Variants in CCDC57 observed in about 807,000 individuals in gnomAD.
CCDC57 encodes coiled-coil domain-containing protein 57.
CCDC57 carries 118 observed loss-of-function variants against 118.9 expected under a neutral mutation model. The ratio of observed to expected loss-of-function variants is 0.99; its 90% CI spans 0.86 to 1.16. The LOEUF (loss-of-function observed/expected upper bound fraction) is 1.16, where lower values mean the gene tolerates loss of function less well. Among genes scored for constraint, CCDC57 ranks in the 50% most tolerant of loss-of-function variants. The pLI is 0.00. For synonymous variants in CCDC57, 527 were observed against 532.9 expected, an observed-to-expected ratio of 0.99 and a Z score of 0.15; for missense variants, 1,300 against 1,320.7, an observed-to-expected ratio of 0.98 and a Z score of 0.24.
intron 19 of CCDC57, among the ~76,000 whole-genome samples, chr17:82,119,522 GT>G (rs2036382971): frequency 6.6e-6 from 1 of 152,096 alleles, no homozygotes; most frequent in African/African-American, 2.4e-5. Flanking sequence ...ATAGAATCAA[GT>G]TTAGGAAGAA....
rs544756947 is a variant in CCDC57, at chr17:82,201,951, C to T, written c.-7G>A. The T allele has an allele frequency of 4.8e-5, 76 of 1,584,350 alleles. No homozygotes were observed. In the Admixed American group the frequency reaches 5.7e-4, roughly 12 times the overall value. On this transcript the variant is annotated splice_region_variant and 5_prime_UTR_variant, in exon 3 of 20. Coordinates refer to ENST00000665763, the Ensembl canonical transcript of CCDC57. ...CTGAGCCCAGTGGCAGCATGGTGGC[C>T]GCTGCAGTAAAGAGAAATCAGGTTC...
chr17:82,107,368 C>CGGGAGAGGGGAGTG (rs112663677), intron 19 of CCDC57: 2 of 452,152 alleles, frequency 4.4e-6, no homozygotes, highest in African/African-American at 2.0e-5. Context: ...ACAGATGCCG[C>CGGGAGAGGGGAGTG]GGGAGTGGGG....
rs952854148 is a variant in CCDC57, at chr17:82,172,934, G to A, written c.1507-74C>T. ...GCTTGTCCTGACAGGCTGTGCCTCC[G>A]CTCTCCCCGCGCCCCTCTCGGGCCG... On this transcript the variant is annotated intron_variant, in intron 11 of 19. Coordinates refer to ENST00000665763, the Ensembl canonical transcript of CCDC57. This position sits in a 1 kb window ranked among gnomAD's most constrained non-coding sequence, Gnocchi z 5.2. 9 of 1,357,040 alleles carry A rather than the reference G, an allele frequency of 6.6e-6. No homozygotes were observed. In the Admixed American group the frequency reaches 7.8e-5, roughly 12 times the overall value. The allele number at this position is 1,357,040 out of a possible 1,614,324, so 84.1% of individuals were successfully genotyped here.
rs952577016 is a variant in CCDC57 at position 82,138,533 on chromosome 17, G to A, written c.2456-4339C>T. On this transcript the variant is annotated intron_variant, in intron 16 of 19. Transcript: ENST00000665763. ...CTGCCCTCCAGCCTGCATGACAGAG[G>A]TCTCTATCGAAAAAAAAAAGTAAAA... 3.3e-5 allele frequency among the ~76,000 whole-genome samples: 5 copies of A among 151,800 alleles called. No homozygotes were observed. The East Asian group carries it at 5.8e-4, about 18-fold the overall frequency.
intron 2 of CCDC57, among the ~76,000 whole-genome samples, chr17:82,205,791 G>A (rs1012097429): frequency 3.9e-5 from 6 of 152,188 alleles, no homozygotes; most frequent in Non-Finnish European, 5.9e-5. Context: ...AGCACCCGGT[G>A]AGAGCCCAGC....
intron 2 of CCDC57, among the ~76,000 whole-genome samples, chr17:82,206,439 T>A (rs1246521243): frequency 6.6e-6 from 1 of 152,008 alleles, no homozygotes; most frequent in Non-Finnish European, 1.5e-5. Flanking sequence ...TTGTAGGTCA[T>A]AAGATCCTCC....
At chr17:82,193,696 C>G in intron 7 of CCDC57, 60 bp downstream of exon 6, 390 of 1,432,362 alleles carry the variant, frequency 2.7e-4, no homozygotes, top group Middle Eastern at 3.5e-4. Context: ...AATGGTTCCA[C>G]TTCCCTCCTC....
chr17:82,137,570 T>C (rs1226762490), intron 16 of CCDC57, among the ~76,000 whole-genome samples: 3 of 152,172 alleles, frequency 2.0e-5, no homozygotes, highest in Admixed American at 6.6e-5. Flanking sequence ...CTAAATATTA[T>C]TTCTCAGGTA....
At chr17:82,107,853 C>A (rs77270221) in intron 19 of CCDC57, among the ~76,000 whole-genome samples, 3,487 of 152,270 alleles carry the variant, frequency 0.023, 58 homozygotes, top group South Asian at 0.076. Flanking sequence ...CCATCGGGTG[C>A]TCTCAGGACA....
In CCDC57 at chr17:82,207,243, G is replaced by A. The variant is rs189491429; in HGVS notation, c.-9+604C>T. Reference sequence around the variant, plus strand: ...AGCTACCAGGCAGGCTGAGGTGGGAGGATCGCTTGAGCTTACGACGTTGAG... The same window carrying A: ...AGCTACCAGGCAGGCTGAGGTGGGAAGATCGCTTGAGCTTACGACGTTGAG... On this transcript the variant is annotated intron_variant, in intron 2 of 19. Transcript: ENST00000665763. Among the ~76,000 whole-genome samples, 4 of 152,142 alleles carry A rather than the reference G, an allele frequency of 2.6e-5. No homozygotes were observed. In the East Asian group the frequency reaches 7.7e-4, roughly 29 times the overall value.
At position 82,103,747 on chromosome 17, in the gene CCDC57, C is replaced by A. The variant is rs79803624; in HGVS notation, c.2900-1881G>T. On this transcript the variant is annotated intron_variant, in intron 19 of 19. Coordinates refer to ENST00000665763, the Ensembl canonical transcript of CCDC57. ...AGGGCCTGCCCCTTTGCCTGGGAGG[C>A]CTGAGCTGGCCCTGCTGGGAGGACC... Among the ~76,000 whole-genome samples, 1,398 of 152,248 alleles carry A rather than the reference C, an allele frequency of 9.2e-3. 18 individuals carry two copies. The highest frequency in any genetic ancestry group is 0.032 in the African/African-American group (1,343 of 41,554).
chr17:82,134,352 C>T, intron 16 of CCDC57, 158 bp from the exon 16 acceptor site: 1 of 569,606 alleles, frequency 1.8e-6, no homozygotes, highest in Non-Finnish European at 2.6e-6. Flanking sequence ...CAACAGTGAA[C>T]TGTGACACAC....
rs1185695793 is a variant in CCDC57, at chr17:82,157,867, C to A, written c.2122G>T (p.Glu708Ter). The change falls in exon 15 of 20, where the codon GAG becomes TAG. Residue 708 changes from glutamate to a stop codon, truncating the protein, a stop_gained. Coordinates refer to ENST00000665763, the Ensembl canonical transcript of CCDC57. LOFTEE classifies it high-confidence loss of function. ...AGCTCAGCCACCTGCTTCCGCAGCTCCAAAACCTCCAGGTGTACCTGGTCC... is the reference window on the plus strand; with the variant it reads ...AGCTCAGCCACCTGCTTCCGCAGCTACAAAACCTCCAGGTGTACCTGGTCC... The A allele has an allele frequency of 6.3e-7, 1 of 1,584,896 alleles. No individual in the cohort carries two copies. The highest frequency in any genetic ancestry group is 1.3e-5 in the African/African-American group (1 of 74,130).
chr17:82,101,725 C>G, exon 20 of CCDC57: 1 of 1,607,690 alleles, frequency 6.2e-7, no homozygotes, highest in Non-Finnish European at 8.5e-7. Context: ...GGGCCTCTGG[C>G]AGCCTTTAGC....
intron 19 of CCDC57, chr17:82,106,595 G>A (rs926135541): frequency 2.0e-5 from 3 of 152,388 alleles, no homozygotes; most frequent in East Asian, 1.9e-4. Context: ...CGGAAGGAAA[G>A]TGACAGGCAG....
chr17:82,180,507 GCT>G (rs1568385092), intron 9 of CCDC57, among the ~76,000 whole-genome samples: 1 of 152,144 alleles, frequency 6.6e-6, no homozygotes, highest in Non-Finnish European at 1.5e-5. Context: ...ACAGAGTCTT[GCT>G]CTGTCACCCA....
chr17:82,109,073 CACAGGGCTTCCTAA>C (rs2035066542), intron 19 of CCDC57: 1 of 152,278 alleles, frequency 6.6e-6, no homozygotes, highest in South Asian at 2.1e-4. Flanking sequence ...GGGATACAAG[CACAGGGCTTCCTAA>C]ACAGGCGGGA....
chr17:82,191,459 A>G (rs1280246535), intron 7 of CCDC57, among the ~76,000 whole-genome samples: 1 of 152,142 alleles, frequency 6.6e-6, no homozygotes, highest in African/African-American at 2.4e-5. Context: ...GGAAGGAAAA[A>G]GTAAAAAAGT....
chr17:82,177,624 A>C (rs919761553), intron 11 of CCDC57, among the ~76,000 whole-genome samples: 7 of 152,188 alleles, frequency 4.6e-5, no homozygotes, highest in Non-Finnish European at 1.0e-4. Context: ...TTAGGATCTG[A>C]GTCCTAAGTA....
Sources: allele counts gnomAD v4.1 joint callset (sites outside exome capture counted in the v4.1 genomes callset), GRCh38; gene constraint gnomAD v4.1.1; non-coding constraint Gnocchi (gnomAD v3.1); transcripts MANE v1.5; gene names NCBI Gene and HGNC (gene_info 2026-07-23, HGNC 2026-07-21).